Variants in FRMD4B observed in about 807,000 individuals in gnomAD.
The protein encoded by FRMD4B is FERM domain containing 4B.
Under a neutral mutation model 141.5 loss-of-function variants are expected in FRMD4B, and 74 were observed. The observed-to-expected ratio is 0.52, with a 90% CI of 0.43 to 0.63. The LOEUF (loss-of-function observed/expected upper bound fraction) is 0.63, where lower values mean the gene tolerates loss of function less well. Among genes scored for constraint, FRMD4B ranks in the 30% least tolerant of loss-of-function variants. The pLI, the probability that FRMD4B is intolerant of heterozygous loss-of-function variation, is 0.00. For synonymous variants in FRMD4B, 506 were observed against 467.9 expected, an observed-to-expected ratio of 1.08 and a Z score of -1.05; for missense variants, 1,366 against 1,253.4, an observed-to-expected ratio of 1.09 and a Z score of -1.36.
At chr3:69,530,140 T>C (rs951453140) in intron 1 of FRMD4B, among the ~76,000 whole-genome samples, 1 of 152,248 alleles carries the variant, frequency 6.6e-6, no homozygotes, top group South Asian at 2.1e-4. Context: ...AAAGACAGAA[T>C]TGAGGAGGTG....
chr3:69,492,349 G>A (rs950425380), intron 1 of FRMD4B, among the ~76,000 whole-genome samples: 10 of 152,268 alleles, frequency 6.6e-5, no homozygotes, highest in African/African-American at 2.2e-4. Context: ...GCAGCCAGTA[G>A]CTTGCTCAAT....
intron 1 of FRMD4B, among the ~76,000 whole-genome samples, chr3:69,484,565 G>A (rs1016201203): frequency 6.6e-6 from 1 of 152,094 alleles, no homozygotes; most frequent in Non-Finnish European, 1.5e-5. Context: ...CTATCTGTAG[G>A]CAGGTCATCC....
chr3:69,498,510 AT>A (rs1575591862), intron 1 of FRMD4B, among the ~76,000 whole-genome samples: 1 of 152,212 alleles, frequency 6.6e-6, no homozygotes, highest in East Asian at 1.9e-4. Context: ...CAAATATAGC[AT>A]GCTCTTCAAG....
intron 17 of FRMD4B, among the ~76,000 whole-genome samples, chr3:69,190,217 C>T (rs950141576): frequency 2.0e-5 from 3 of 152,036 alleles, no homozygotes; most frequent in Non-Finnish European, 4.4e-5. Context: ...AACTAGTTTT[C>T]GGTGTTTCTT....
intron 1 of FRMD4B, among the ~76,000 whole-genome samples, chr3:69,368,305 T>C (rs1703725929): frequency 6.6e-6 from 1 of 152,188 alleles, no homozygotes; most frequent in Admixed American, 6.5e-5. Flanking sequence ...CTGACTCCAA[T>C]ATCCTTAGCT....
chr3:69,394,115 T>C (rs1246660846), intron 2 of FRMD4B, among the ~76,000 whole-genome samples: 1 of 152,236 alleles, frequency 6.6e-6, no homozygotes, highest in East Asian at 1.9e-4. Flanking sequence ...AATTTATTTC[T>C]CACAGCTCTA....
At chr3:69,315,429 C>T (rs1409022757) in intron 1 of FRMD4B, among the ~76,000 whole-genome samples, 1 of 151,958 alleles carries the variant, frequency 6.6e-6, no homozygotes, top group Non-Finnish European at 1.5e-5. Context: ...TATTGTTTTG[C>T]AAATGAAGTA....
intron 2 of FRMD4B, among the ~76,000 whole-genome samples, chr3:69,407,956 C>T (rs893168080): frequency 2.6e-5 from 4 of 152,194 alleles, no homozygotes; most frequent in Non-Finnish European, 4.4e-5. Context: ...CACGGAAAAG[C>T]GTCTGTGGCG....
At chr3:69,469,820 C>T (rs905338499) in intron 1 of FRMD4B, among the ~76,000 whole-genome samples, 12 of 152,150 alleles carry the variant, frequency 7.9e-5, no homozygotes, top group East Asian at 3.8e-4. Context: ...TTTGATTTAG[C>T]GGCAGCAGGT....
At chr3:69,344,268 G>A (rs6774290) in intron 1 of FRMD4B, among the ~76,000 whole-genome samples, 28,708 of 152,036 alleles carry the variant, frequency 0.19, 3,135 homozygotes, top group African/African-American at 0.3. Flanking sequence ...CAGGCATCTG[G>A]GCCATTTTAA....
chr3:69,450,190 G>A (rs959812965), intron 1 of FRMD4B, among the ~76,000 whole-genome samples: 1 of 152,188 alleles, frequency 6.6e-6, no homozygotes, highest in African/African-American at 2.4e-5. Flanking sequence ...TATACTTTCA[G>A]ACATTTATTT....
intron 1 of FRMD4B, among the ~76,000 whole-genome samples, chr3:69,315,127 A>T (rs1701761261): frequency 6.6e-6 from 1 of 152,238 alleles, no homozygotes; most frequent in Admixed American, 6.5e-5. Context: ...CATAGTTAAG[A>T]ACAGTTAAGA....
intron 1 of FRMD4B, among the ~76,000 whole-genome samples, chr3:69,456,765 A>G (rs1705622380): frequency 6.6e-6 from 1 of 151,302 alleles, no homozygotes; most frequent in South Asian, 2.1e-4. Flanking sequence ...ATGTCTGTAC[A>G]TTATTAGTGC....
chr3:69,326,740 T>C (rs1702204878), intron 1 of FRMD4B, among the ~76,000 whole-genome samples: 1 of 152,230 alleles, frequency 6.6e-6, no homozygotes, highest in African/African-American at 2.4e-5. Flanking sequence ...TATATCTACA[T>C]GGAAGAAACT....
chr3:69,512,024 G>T (rs1269658925), intron 1 of FRMD4B, among the ~76,000 whole-genome samples: 6 of 152,164 alleles, frequency 3.9e-5, no homozygotes, highest in Non-Finnish European at 8.8e-5. Context: ...TCCACATACA[G>T]AAATTAGCAT....
intron 2 of FRMD4B, among the ~76,000 whole-genome samples, chr3:69,420,227 G>C (rs920208658): frequency 6.7e-6 from 1 of 148,276 alleles, no homozygotes; most frequent in Non-Finnish European, 1.5e-5. Context: ...GAAGGGGCGT[G>C]GCTTGATTAA....
chr3:69,181,178 G>C lies in FRMD4B; in HGVS notation c.2572C>G (p.His858Asp). The C allele has an allele frequency of 6.2e-7, 1 of 1,613,988 alleles. No homozygotes were observed. The highest frequency in any genetic ancestry group is 8.5e-7 in the Non-Finnish European group (1 of 1,179,896). Residue 858 changes from histidine to aspartate, a missense_variant, in exon 21 of 23, where the codon CAC (histidine) becomes GAC (aspartate). Transcript: ENST00000398540. ...ERQRDYSRSF[H>D]EDEVDRVPHN... Reference sequence around the variant, plus strand: ...GGTACCCGGTCGACCTCATCTTCGTGAAAGGATCTGCTGTAGTCCCTCTGG... The same window carrying C: ...GGTACCCGGTCGACCTCATCTTCGTCAAAGGATCTGCTGTAGTCCCTCTGG...
intron 1 of FRMD4B, among the ~76,000 whole-genome samples, chr3:69,369,217 A>G (rs970408507): frequency 6.6e-6 from 1 of 152,244 alleles, no homozygotes; most frequent in African/African-American, 2.4e-5. Context: ...CTTCAGATAC[A>G]CAGTCCTATC....
In FRMD4B at chr3:69,455,591, C is replaced by T. The variant is rs145667833; in HGVS notation, c.-128-22830G>A. On this transcript the variant is annotated intron_variant, in intron 1 of 5. Transcript: ENST00000459638. ...CGACGGAACATCAGAAGGAACAAACCCTGGATGCACCATCTTTAAGAACTG... is the reference window on the plus strand; with the variant it reads ...CGACGGAACATCAGAAGGAACAAACTCTGGATGCACCATCTTTAAGAACTG... Among the ~76,000 whole-genome samples the T allele has an allele frequency of 3.4e-3, 523 of 152,224 alleles. 5 individuals are homozygous for T. The highest frequency in any genetic ancestry group is 0.012 in the African/African-American group (490 of 41,532).
Sources: gnomAD v4.1 joint callset for allele counts (sites outside exome capture counted in the v4.1 genomes callset) on GRCh38, gnomAD v4.1.1 for gene constraint, MANE v1.5 for transcripts, NCBI Gene and HGNC (gene_info 2026-07-23, HGNC 2026-07-21) for gene names.